Variants in MUC4 observed in about 807,000 individuals in gnomAD.
The protein encoded by MUC4 is mucin 4, cell surface associated.
In MUC4, 202 loss-of-function variants were observed where a neutral mutation model predicts 257.9. The ratio of observed to expected loss-of-function variants is 0.78; its 90% CI spans 0.70 to 0.88. The LOEUF (loss-of-function observed/expected upper bound fraction) is 0.88. Ranked by LOEUF, MUC4 falls within the 40% of genes least tolerant of loss-of-function variation. The probability of loss-of-function intolerance (pLI) is 0.00; values close to 1 mark genes in which losing one functional copy is unlikely to be tolerated. For missense variants in MUC4, 5,976 were observed against 6,513.7 expected (o/e 0.92, Z 2.84); for synonymous variants, 2,351 against 2,757.1 (o/e 0.85, Z 4.62).
At chr3:195,775,393 A>G (rs3103963) in intron 3 of MUC4, among the ~76,000 whole-genome samples, 7,883 of 25,472 alleles carry the variant, frequency 0.31, 1,520 homozygotes, top group African/African-American at 0.56. Context: ...TACCTTCCAC[A>G]CCCATACCTT....
chr3:195,769,431 T>G (rs1462326941), intron 6 of MUC4: 3 of 411,900 alleles, frequency 7.3e-6, no homozygotes, highest in Admixed American at 3.6e-5. Flanking sequence ...TTCAGTTAGA[T>G]GAGTGTTTGT....
At chr3:195,775,025 C>G (rs1028565167) in intron 3 of MUC4, among the ~76,000 whole-genome samples, 1 of 152,098 alleles carries the variant, frequency 6.6e-6, no homozygotes, top group African/African-American at 2.4e-5. Context: ...GAAGACTCCT[C>G]CAATTTAACC....
rs951547676 is a variant in MUC4 at position 195,763,763 on chromosome 3, C to T, written c.14045-122G>A. On this transcript the variant is annotated intron_variant, in intron 11 of 24. Transcript: ENST00000463781. ...TCAGGGTGAGGTTCCTCACTGCAGT[C>T]GACTGGGGCACTTGTCCGGGCGGAC... 4 of 1,094,804 alleles carry T rather than the reference C, an allele frequency of 3.7e-6. No homozygotes were observed. In the Admixed American group the frequency reaches 8.8e-5, roughly 24 times the overall value. The allele number at this position is 1,094,804 out of a possible 1,614,324, so 67.8% of individuals were successfully genotyped here.
rs756642467 is a variant in MUC4 at position 195,753,118 on chromosome 3, G to T, written c.15441C>A (p.Cys5147Ter). The T allele has an allele frequency of 6.2e-7, 1 of 1,612,838 alleles. No homozygotes were observed. Among genetic ancestry groups the T allele is most frequent in the Admixed American group, 1.7e-5 (1 of 59,622 alleles). ...AGCGGCTGTCAGTGAAGGCTGGGGGGCAGGTGCACATGGGCTGACAGCCCA... is the reference window on the plus strand; with the variant it reads ...AGCGGCTGTCAGTGAAGGCTGGGGGTCAGGTGCACATGGGCTGACAGCCCA... ...QTLGCQPMCT[C>*]PPAFTDSRCF... The change falls in exon 20 of 25, where the codon TGC (cysteine) becomes TGA (stop). Residue 5147 changes from cysteine to a stop codon, truncating the protein, a stop_gained. Transcript: ENST00000463781. LOFTEE classifies it high-confidence loss of function.
chr3:195,782,425 C>T lies in MUC4; in HGVS notation c.9155G>A (p.Gly3052Asp), dbSNP rs762108180. 20 of 1,453,474 alleles carry T rather than the reference C, an allele frequency of 1.4e-5. 4 individuals carry two copies. Among genetic ancestry groups the T allele is most frequent in the African/African-American group, 3.3e-5 (2 of 60,214 alleles). 90.0% of individuals were successfully genotyped at this position (1,453,474 alleles called of 1,614,324 possible). A position where few individuals can be genotyped will look rare whatever the true frequency, so the allele number is the denominator to read the frequency against. ...GGTGACATGAAGAGGGTTGGCGTGA[C>T]CTGTGGATGCTGAGGAAGTGTCGGT... ...PVTDTSSAST[G>D]HANPLHVTSP... Residue 3052 changes from glycine to aspartate, a missense_variant, in exon 2 of 25, where the codon GGT (glycine) becomes GAT (aspartate). By Grantham distance (94) the Gly-to-Asp change is moderately conservative (BLOSUM62 -1). Coordinates refer to ENST00000463781, the MANE Select transcript of MUC4 (RefSeq NM_018406.7).
intron 1 of MUC4, among the ~76,000 whole-genome samples, chr3:195,804,223 C>T (rs1212188201): frequency 1.3e-5 from 2 of 152,348 alleles, no homozygotes; most frequent in Non-Finnish European, 2.9e-5. Flanking sequence ...GATCTCCCAT[C>T]AAGGTAGTTC....
chr3:195,765,665 T>C (rs939649302), intron 8 of MUC4, among the ~76,000 whole-genome samples: 11 of 152,196 alleles, frequency 7.2e-5, no homozygotes, highest in Admixed American at 3.9e-4. Context: ...ACAGAACAAA[T>C]AGAACTGGAT....
chr3:195,770,983 G>A (rs573440476), intron 5 of MUC4: 6 of 404,526 alleles, frequency 1.5e-5, no homozygotes, highest in South Asian at 5.2e-5. Flanking sequence ...TCAGTCTCGC[G>A]GCCGGGTTGG....
At chr3:195,768,490 T>C (rs1722110876) in intron 7 of MUC4, among the ~76,000 whole-genome samples, 1 of 152,194 alleles carries the variant, frequency 6.6e-6, no homozygotes, top group South Asian at 2.1e-4. Flanking sequence ...TGGGTAATTC[T>C]CAGGAAGTCA....
At position 195,782,533 on chromosome 3, in the gene MUC4, G is replaced by C; in HGVS notation, c.9047C>G (p.Ser3016Ter). The C allele has an allele frequency of 1.4e-6, 2 of 1,479,566 alleles. No homozygotes were observed. The highest frequency in any genetic ancestry group is 1.8e-6 in the Non-Finnish European group (2 of 1,103,738). 91.7% of individuals were successfully genotyped at this position (1,479,566 alleles called of 1,614,324 possible). A position where few individuals can be genotyped will look rare whatever the true frequency, so the allele number is the denominator to read the frequency against. ...ATSLPVTDTS[S>*]ISTGHATPLH... ...AGGGGTGGCGTGACCTGTGGATATT[G>C]AGGAAGTGTCGGTGACAGGAAGAGA... The change falls in exon 2 of 25, where the codon TCA (serine) becomes TGA (stop). Residue 3016 changes from serine (S) to a stop codon, truncating the protein, a stop_gained. Transcript: ENST00000463781. LOFTEE classifies it high-confidence loss of function.
chr3:195,788,173 G>GGGGTGGTGTC lies in MUC4; in HGVS notation c.3406_3407insGACACCACCC (p.Ser1136Ter). Reference sequence around the variant, plus strand: ...TGAGGAAGTGTCGGTGACAGGAAGAGAGGTGGCGTGACCTGTGGATGCTGA... The same window carrying GGGGTGGTGTC: ...TGAGGAAGTGTCGGTGACAGGAAGAGGGGTGGTGTCAGGTGGCGTGACCTGTGGATGCTGA... On this transcript the variant is annotated stop_gained and frameshift_variant, in exon 2 of 25. Transcript: ENST00000463781. LOFTEE classifies it high-confidence loss of function. 2 of 1,471,352 alleles carry GGGGTGGTGTC rather than the reference G, an allele frequency of 1.4e-6. No individual in the cohort carries two copies. The highest frequency in any genetic ancestry group is 4.1e-5 in the Admixed American group (2 of 48,376). The allele number at this position is 1,471,352 out of a possible 1,614,324, so 91.1% of individuals were successfully genotyped here. A position where few individuals can be genotyped will look rare whatever the true frequency, so the allele number is the denominator to read the frequency against.
rs774685313 is a variant in MUC4 at position 195,754,374 on chromosome 3, T to A, written c.15169-2A>T. 6.2e-7 allele frequency: 1 copy of A among 1,603,794 alleles called. No homozygotes were observed. ...CCCGTCACACTTGCAGCCAGCCACC[T>A]GGAGGAGGGTTGCCGATCACGGGCG... On this transcript the variant is annotated splice_acceptor_variant, in intron 18 of 24. Transcript: ENST00000463781. LOFTEE classifies it high-confidence loss of function.
rs768789079 is a variant in MUC4, at chr3:195,783,182, G to T, written c.8398C>A (p.Pro2800Thr). ...PSSASTGHTT[P>T]LPVTDASSVS... ...GACGAAGCGTCGGTGACAGGAAGAG[G>T]GGTGGTGTGACCTGTGGATGCTGAG... Residue 2800 changes from proline to threonine, a missense_variant, in exon 2 of 25, where the codon CCT (proline) becomes ACT (threonine). Transcript: ENST00000463781. 1.4e-6 allele frequency: 2 copies of T among 1,433,584 alleles called. No individual in the cohort carries two copies. Among genetic ancestry groups the T allele is most frequent in the African/African-American group, 1.5e-5 (1 of 66,594 alleles). 88.8% of individuals were successfully genotyped at this position (1,433,584 alleles called of 1,614,324 possible).
Position 195,810,679 on chromosome 3 carries a change from C to T in MUC4, c.82+1057G>A, listed in dbSNP as rs1000766197. On this transcript the variant is annotated intron_variant, in intron 1 of 24. Coordinates refer to ENST00000463781, the MANE Select transcript of MUC4 (RefSeq NM_018406.7). The surrounding 1 kb of genome is among the most constrained non-coding windows in gnomAD (Gnocchi z 4.2). Reference sequence around the variant, plus strand: ...CCCTCTGCGCCCTGGCCGCCTCCTCCGCACCACCCTCCCGGCCGGCCTGCC... The same window carrying T: ...CCCTCTGCGCCCTGGCCGCCTCCTCTGCACCACCCTCCCGGCCGGCCTGCC... Among the ~76,000 whole-genome samples, 8 of 152,094 alleles carry T rather than the reference C, an allele frequency of 5.3e-5. No individual in the cohort carries two copies. Among genetic ancestry groups the T allele is most frequent in the East Asian group, 1.9e-4 (1 of 5,170 alleles).
rs76926940 is a variant in MUC4, at chr3:195,762,641, G to A, written c.14344+214C>T. On this transcript the variant is annotated intron_variant, in intron 13 of 24. Coordinates refer to ENST00000463781, the MANE Select transcript of MUC4 (RefSeq NM_018406.7). ...ACCCGGCCCTGCACCGCCACGCACC[G>A]GGCCCTGCACCGCCACGCACCGGGC... is the stretch of plus-strand genomic sequence containing the variant. 4.6e-3 allele frequency among the ~76,000 whole-genome samples: 69 copies of A among 14,998 alleles called. 1 individual carries two copies. Among genetic ancestry groups the A allele is most frequent in the African/African-American group, 0.011 (60 of 5,368 alleles). 9.8% of individuals were successfully genotyped at this position (14,998 alleles called of 152,430 possible). A position where few individuals can be genotyped will look rare whatever the true frequency, so the allele number is the denominator to read the frequency against.
At chr3:195,758,666 G>A (rs558930171) in intron 17 of MUC4, among the ~76,000 whole-genome samples, 1 of 148,526 alleles carries the variant, frequency 6.7e-6, no homozygotes, top group East Asian at 2.0e-4. Flanking sequence ...GGGTTCAAGC[G>A]ATTCTCCTGC....
intron 8 of MUC4, among the ~76,000 whole-genome samples, 192 bp from the exon 9 acceptor site, chr3:195,765,641 C>T (rs1347248401): frequency 6.6e-6 from 1 of 152,220 alleles, no homozygotes; most frequent in Admixed American, 6.5e-5. Flanking sequence ...TTCTGACGAC[C>T]AAACGTGGTT....
rs1485477499 is a variant in MUC4 at position 195,791,052 on chromosome 3, T to A, written c.528A>T (p.Glu176Asp). The change falls in exon 2 of 25, where the codon GAA becomes GAT. Residue 176 changes from glutamate (E) to aspartate (D), a missense_variant. Glu to Asp is a conservative substitution (Grantham distance 45). Transcript: ENST00000463781. Reference protein sequence around the residue: ...TSAVSITAGQEGQSRTTSWRT... With the variant: ...TSAVSITAGQDGQSRTTSWRT... ...TCCAGGAAGTTGTTCGTGATTGTCC[T>A]TCCTGTCCAGCTGTTATTGAGACTG... The A allele has an allele frequency of 6.2e-7, 1 of 1,613,826 alleles. No individual in the cohort carries two copies. Among genetic ancestry groups the A allele is most frequent in the Non-Finnish European group, 8.5e-7 (1 of 1,179,882 alleles).
At chr3:195,808,341 G>C (rs1303737722) in intron 1 of MUC4, among the ~76,000 whole-genome samples, 1 of 151,778 alleles carries the variant, frequency 6.6e-6, no homozygotes, top group African/African-American at 2.4e-5. Flanking sequence ...TCAGCCTCCC[G>C]AGTAGCTGGA....
Sources: allele counts gnomAD v4.1 joint callset (sites outside exome capture counted in the v4.1 genomes callset), GRCh38; gene constraint gnomAD v4.1.1; non-coding constraint Gnocchi (gnomAD v3.1); transcripts MANE v1.5; gene names NCBI Gene and HGNC (gene_info 2026-07-23, HGNC 2026-07-21).